CANT1: variants seen among roughly 807,000 people sequenced by gnomAD.
The protein encoded by CANT1 is soluble calcium-activated nucleotidase 1.
In CANT1, 26 loss-of-function variants were observed where a neutral mutation model predicts 30.0. The observed-to-expected ratio is 0.87, with a 90% CI of 0.64 to 1.20. CANT1 has a LOEUF of 1.20. CANT1 is among the 50% of genes most tolerant of loss of function. The pLI is 0.00. For missense variants in CANT1, 518 were observed against 563.0 expected (o/e 0.92, Z 0.81); for synonymous variants, 246 against 251.8 (o/e 0.98, Z 0.22).
chr17:78,993,822 C>T lies in CANT1; in HGVS notation c.934G>A (p.Asp312Asn). The part of the protein sequence containing the change: ...ASQERYSEKD[D>N]ERKGANLLLS... ...AGCAGGTTGGCGCCCTTGCGCTCGT[C>T]GTCCTTCTCGCTGTAGCGCTCCTGG... The change falls in exon 5 of 5, where the codon GAC (aspartate) becomes AAC (asparagine). Residue 312 changes from aspartate (D) to asparagine (N), a missense_variant. By Grantham distance (23) the Asp-to-Asn change is conservative (BLOSUM62 1). Coordinates refer to ENST00000392446, the MANE Select transcript of CANT1 (RefSeq NM_001159773.2). The surrounding 1 kb of genome is among the most constrained non-coding windows in gnomAD (Gnocchi z 4.5). 1 of 1,606,042 alleles carries T rather than the reference C, an allele frequency of 6.2e-7. No individual in the cohort carries two copies. The highest frequency in any genetic ancestry group is 8.5e-7 in the Non-Finnish European group (1 of 1,177,184).
rs2071641983 is a variant in CANT1 at position 79,008,878 on chromosome 17, G to A, written c.-147+786C>T. 6.6e-6 allele frequency among the ~76,000 whole-genome samples: 1 copy of A among 152,190 alleles called. No individual in the cohort carries two copies. The highest frequency in any genetic ancestry group is 2.4e-5 in the African/African-American group (1 of 41,438). ...GATGAGAGTGAGCTGTGTGCCTGGA[G>A]GAAGGCTCCAAATTGGATGAGGGCA... On this transcript the variant is annotated intron_variant, in intron 1 of 4. Transcript: ENST00000392446. The surrounding 1 kb of genome is among the most constrained non-coding windows in gnomAD (Gnocchi z 4.4).
At chr17:79,005,167 A>AGGAGAGGGGAGTTAGGGAAGGGAGTTAG (rs2071492185) in intron 1 of CANT1, among the ~76,000 whole-genome samples, 2 of 38,494 alleles carry the variant, frequency 5.2e-5, no homozygotes, top group Non-Finnish European at 4.4e-5. Context: ...AGAGGAGTTA[A>AGGAGAGGGGAGTTAGGGAAGGGAGTTAG]GGAGAGGGGA....
chr17:79,007,647 G>A (rs1599256685), intron 1 of CANT1, among the ~76,000 whole-genome samples: 2 of 152,230 alleles, frequency 1.3e-5, no homozygotes, highest in East Asian at 3.8e-4. Context: ...CACAGGGCCA[G>A]GAGAACTGCT....
rs913338213 is a variant in CANT1, at chr17:79,002,116, A to G, written c.-146-4153T>C. Among the ~76,000 whole-genome samples, 2 of 152,128 alleles carry G rather than the reference A, an allele frequency of 1.3e-5. No individual in the cohort carries two copies. Among genetic ancestry groups the G allele is most frequent in the African/African-American group, 4.8e-5 (2 of 41,418 alleles). ...AAGCTTGTCCAACATGTGGTCCAAC[A>G]CAAATTCGTAAACTTTCTTAAAACA... is the stretch of plus-strand genomic sequence containing the variant. On this transcript the variant is annotated intron_variant, in intron 1 of 4. Transcript: ENST00000392446. This position sits in a 1 kb window ranked among gnomAD's most constrained non-coding sequence, Gnocchi z 4.0.
intron 4 of CANT1, among the ~76,000 whole-genome samples, chr17:78,994,435 C>A (rs77219759): frequency 6.6e-6 from 1 of 152,168 alleles, no homozygotes; most frequent in East Asian, 1.9e-4. Flanking sequence ...CACGGCCCAG[C>A]GCCAGGGGTA....
At position 78,997,110 on chromosome 17, in the gene CANT1, A is replaced by G; in HGVS notation, c.513T>C (p.Ile171=). ...CGGAGTAGAGTTTCCCATTGAAAAC[A>G]ATCAGGTCGGATAGCTCCATGCCTC... The part of the protein sequence containing the change: ...KGRGMELSDL[I]VFNGKLYSVD... The change falls in exon 3 of 5, where the codon ATT becomes ATC. Residue 171 remains isoleucine, a synonymous_variant. Coordinates refer to ENST00000392446, the MANE Select transcript of CANT1 (RefSeq NM_001159773.2). This position sits in a 1 kb window ranked among gnomAD's most constrained non-coding sequence, Gnocchi z 7.5. The G allele has an allele frequency of 6.2e-7, 1 of 1,614,164 alleles. No individual in the cohort carries two copies. Among genetic ancestry groups the G allele is most frequent in the Non-Finnish European group, 8.5e-7 (1 of 1,180,040 alleles).
intron 4 of CANT1, 99 bp from the exon 5 acceptor site, chr17:78,994,019 C>T: frequency 6.3e-6 from 9 of 1,427,348 alleles, no homozygotes; most frequent in Non-Finnish European, 8.4e-6. Flanking sequence ...GGGCTGCGAC[C>T]ACCAGGGCCC....
intron 1 of CANT1, among the ~76,000 whole-genome samples, chr17:79,004,897 AG>A (rs1298124955): frequency 1.9e-4 from 1 of 5,252 alleles, no homozygotes. Context: ...GGAGTTAGGG[AG>A]GGGAGTTAGG....
chr17:79,009,334 C>T (rs2071664859), intron 1 of CANT1, among the ~76,000 whole-genome samples: 1 of 151,764 alleles, frequency 6.6e-6, no homozygotes, highest in East Asian at 1.9e-4. Flanking sequence ...GGGGAATGGT[C>T]CCCACACTAA....
At position 79,002,530 on chromosome 17, in the gene CANT1, G is replaced by A. The variant is rs971290238; in HGVS notation, c.-146-4567C>T. ...TGCCTGGTGTGTAGACGCGGCCTGC[G>A]TAGACGCGGCCTGCTGTGTAGTCAC... On this transcript the variant is annotated intron_variant, in intron 1 of 4. Coordinates refer to ENST00000392446, the MANE Select transcript of CANT1 (RefSeq NM_001159773.2). The surrounding 1 kb of genome is among the most constrained non-coding windows in gnomAD (Gnocchi z 4.0). Among the ~76,000 whole-genome samples, 4 of 152,058 alleles carry A rather than the reference G, an allele frequency of 2.6e-5. No homozygotes were observed. The highest frequency in any genetic ancestry group is 5.9e-5 in the Non-Finnish European group (4 of 68,010).
intron 4 of CANT1, among the ~76,000 whole-genome samples, chr17:78,994,286 T>G (rs2070949363): frequency 6.6e-6 from 1 of 152,108 alleles, no homozygotes; most frequent in Admixed American, 6.5e-5. Flanking sequence ...GCCTTGAGGC[T>G]GCAAGGAAGA....
intron 1 of CANT1, among the ~76,000 whole-genome samples, chr17:79,000,549 C>T (rs2071219882): frequency 6.6e-6 from 1 of 152,032 alleles, no homozygotes; most frequent in Non-Finnish European, 1.5e-5. Flanking sequence ...AAGTAGCATC[C>T]ATCAGATGGC....
At chr17:79,009,174 G>A (rs1411314488) in intron 1 of CANT1, among the ~76,000 whole-genome samples, 2 of 150,732 alleles carry the variant, frequency 1.3e-5, no homozygotes, top group African/African-American at 2.4e-5. Flanking sequence ...ATCAGAGGGG[G>A]GTGGTCCCCA....
chr17:78,995,292 GCCCCGCACCTGTCCTTAGA>G lies in CANT1; in HGVS notation c.632-90_632-72del. On this transcript the variant is annotated intron_variant, in intron 3 of 4. Transcript: ENST00000392446. This position sits in a 1 kb window ranked among gnomAD's most constrained non-coding sequence, Gnocchi z 5.7. ...CACCCCTGCACCTGGCTCCCACCCG[GCCCCGCACCTGTCCTTAGA>G]CCCCGCACCTGACTCCCGCCCGGCT... The G allele has an allele frequency of 2.0e-6, 3 of 1,497,430 alleles. No individual in the cohort carries two copies. The highest frequency in any genetic ancestry group is 2.7e-6 in the Non-Finnish European group (3 of 1,096,276). 92.8% of individuals were successfully genotyped at this position (1,497,430 alleles called of 1,614,324 possible).
At chr17:79,009,608 G>A (rs1037907032) in intron 1 of CANT1, 56 bp downstream of exon 1, 1 of 152,608 alleles carries the variant, frequency 6.6e-6, no homozygotes, top group Non-Finnish European at 1.5e-5. Flanking sequence ...TCCGGGACGG[G>A]GGTCCGGGCC....
Position 78,993,612 on chromosome 17 carries a change from G to T in CANT1, c.1144C>A (p.Arg382Ser). ...ATCTTGGTCTCCGGCAACAGGAAGC[G>T]CCCGTCCAGCGTGAAGGCCATGATG... ...SYIMAFTLDG[R>S]FLLPETKIGS... Residue 382 changes from arginine (R) to serine (S), a missense_variant, in exon 5 of 5, where the codon CGC (arginine) becomes AGC (serine). Physicochemically the swap from Arg to Ser is moderately radical, Grantham distance 110. This residue lies in a region of CANT1 where 221 missense variants were observed against 211.8 expected (regional missense o/e 1.04). Transcript: ENST00000392446. This position sits in a 1 kb window ranked among gnomAD's most constrained non-coding sequence, Gnocchi z 4.5. The T allele has an allele frequency of 6.2e-7, 1 of 1,614,242 alleles. No individual in the cohort carries two copies. The highest frequency in any genetic ancestry group is 8.5e-7 in the Non-Finnish European group (1 of 1,180,050).
In CANT1 at chr17:78,997,760, T is replaced by G; in HGVS notation, c.-23+80A>C. ...TTTTCCAGAAGAAACAGTATTTCACTACTCTGTGGCCATTCTTACTCCCTT... is the reference window on the plus strand; with the variant it reads ...TTTTCCAGAAGAAACAGTATTTCACGACTCTGTGGCCATTCTTACTCCCTT... On this transcript the variant is annotated intron_variant, in intron 2 of 4. Transcript: ENST00000392446. The surrounding 1 kb of genome is among the most constrained non-coding windows in gnomAD (Gnocchi z 7.5). The G allele has an allele frequency of 1.2e-6, 1 of 867,096 alleles. No homozygotes were observed. The highest frequency in any genetic ancestry group is 1.7e-6 in the Non-Finnish European group (1 of 588,216). 53.7% of individuals were successfully genotyped at this position (867,096 alleles called of 1,614,324 possible).
At chr17:79,005,516 G>A (rs1022786935) in intron 1 of CANT1, 1 of 152,146 alleles carries the variant, frequency 6.6e-6, no homozygotes, top group Non-Finnish European at 1.5e-5. Flanking sequence ...GGCAGAACCA[G>A]CAGGTTTACT....
rs796508492 is a variant in CANT1 at position 78,996,652 on chromosome 17, CT to C, written c.631+339del. Among the ~76,000 whole-genome samples the C allele has an allele frequency of 7.2e-4, 110 of 152,274 alleles. No individual in the cohort carries two copies. Among genetic ancestry groups the C allele is most frequent in the African/African-American group, 2.6e-3 (108 of 41,562 alleles). On this transcript the variant is annotated intron_variant, in intron 3 of 4. Transcript: ENST00000392446. The surrounding 1 kb of genome is among the most constrained non-coding windows in gnomAD (Gnocchi z 5.1). ...CCTGGTAGGCACATCCTAGCGTGGT[CT>C]TGAGAACCTTTGAAGGTGTAAAAAG...
Sources: gnomAD v4.1 joint callset for allele counts (sites outside exome capture counted in the v4.1 genomes callset) on GRCh38, gnomAD v4.1.1 for gene constraint, gnomAD v4.1.1 regional missense constraint, Gnocchi (gnomAD v3.1) non-coding constraint, MANE v1.5 for transcripts, NCBI Gene and HGNC (gene_info 2026-07-23, HGNC 2026-07-21) for gene names.